Variants in SPHKAP observed in about 807,000 individuals in gnomAD.
The protein encoded by SPHKAP is SPHK1 interactor, AKAP domain containing.
In SPHKAP, 67 loss-of-function variants were observed where a neutral mutation model predicts 137.5. The ratio of observed to expected loss-of-function variants is 0.49; its 90% CI spans 0.40 to 0.60. The LOEUF is 0.60. Among genes scored for constraint, SPHKAP ranks in the 20% least tolerant of loss-of-function variants. The pLI is 0.00. For synonymous variants in SPHKAP, 813 were observed against 785.3 expected (o/e 1.04, Z -0.59); for missense variants, 2,097 against 2,069.3 (o/e 1.01, Z -0.26).
chr2:228,046,569 A>C (rs1258153192), intron 3 of SPHKAP, among the ~76,000 whole-genome samples: 1 of 152,142 alleles, frequency 6.6e-6, no homozygotes, highest in Non-Finnish European at 1.5e-5. Flanking sequence ...TAATGCTACC[A>C]AAAATCATTG....
intron 3 of SPHKAP, among the ~76,000 whole-genome samples, chr2:228,062,684 T>C (rs1696693661): frequency 6.6e-6 from 1 of 152,118 alleles, no homozygotes; most frequent in Admixed American, 6.5e-5. Context: ...AAGTAAGTCC[T>C]GGATCCACAT....
intron 3 of SPHKAP, among the ~76,000 whole-genome samples, chr2:228,062,061 A>G (rs1366252455): frequency 6.6e-6 from 1 of 152,218 alleles, no homozygotes; most frequent in African/African-American, 2.4e-5. Flanking sequence ...ATGATTTCAT[A>G]CAAAGAAACC....
intron 4 of SPHKAP, among the ~76,000 whole-genome samples, 186 bp from the exon 5 acceptor site, chr2:228,025,714 T>C (rs948610981): frequency 1.3e-5 from 2 of 152,096 alleles, no homozygotes; most frequent in African/African-American, 4.8e-5. Context: ...AAAGAGAAAA[T>C]ATAAGCTTCA....
intron 3 of SPHKAP, among the ~76,000 whole-genome samples, chr2:228,033,325 C>T (rs6740680): frequency 0.38 from 58,040 of 151,994 alleles, 11,528 homozygotes; most frequent in South Asian, 0.51. Flanking sequence ...ACAAGAATAG[C>T]TAACTATCCT....
At chr2:228,032,864 G>A (rs1256734252) in intron 3 of SPHKAP, among the ~76,000 whole-genome samples, 1 of 152,086 alleles carries the variant, frequency 6.6e-6, no homozygotes, top group South Asian at 2.1e-4. Flanking sequence ...CCCTACAAGA[G>A]CTCCTGAAGG....
At chr2:228,154,532 ATTTTTTTTTTTTTTTTTTTTTTT>A (rs1168623467) in intron 1 of SPHKAP, among the ~76,000 whole-genome samples, 1 of 29,406 alleles carries the variant, frequency 3.4e-5, no homozygotes, top group African/African-American at 1.4e-4. Flanking sequence ...ATATATATAT[ATTTTTTTTTTTTTTTTTTTTTTT>A]TTTTTTTTTT....
intron 11 of SPHKAP, among the ~76,000 whole-genome samples, chr2:227,984,163 C>T (rs569056188): frequency 1.3e-5 from 2 of 151,812 alleles, no homozygotes; most frequent in East Asian, 1.9e-4. Flanking sequence ...AACCGGGCGT[C>T]GTGGCATGCA....
At chr2:228,113,862 G>A (rs899252680) in intron 2 of SPHKAP, among the ~76,000 whole-genome samples, 1 of 152,074 alleles carries the variant, frequency 6.6e-6, no homozygotes, top group Non-Finnish European at 1.5e-5. Context: ...AGTATGCATT[G>A]AGAGCCAAAT....
intron 1 of SPHKAP, among the ~76,000 whole-genome samples, chr2:228,153,609 G>A (rs889872975): frequency 6.6e-6 from 1 of 152,086 alleles, no homozygotes; most frequent in African/African-American, 2.4e-5. Context: ...AAAAGGTCAT[G>A]TATCTTTTAT....
intron 7 of SPHKAP, among the ~76,000 whole-genome samples, chr2:228,001,724 C>T (rs1052249802): frequency 9.2e-5 from 14 of 151,810 alleles, no homozygotes; most frequent in Non-Finnish European, 7.4e-5. Flanking sequence ...CCCCGCTCCC[C>T]GCAGCCCACA....
intron 5 of SPHKAP, among the ~76,000 whole-genome samples, chr2:228,023,247 A>T (rs1264585706): frequency 6.6e-6 from 1 of 152,198 alleles, no homozygotes; most frequent in Admixed American, 6.5e-5. Context: ...GGGCTCAAAA[A>T]TAAAATTCCC....
At position 228,019,675 on chromosome 2, in the gene SPHKAP, T is replaced by G. The variant is rs1444251496; in HGVS notation, c.1179A>C (p.Thr393=). The change falls in exon 7 of 12, where the codon ACA becomes ACC. Residue 393 remains threonine, a synonymous_variant. Coordinates refer to ENST00000392056, the MANE Select transcript of SPHKAP (RefSeq NM_001142644.2). The part of the protein sequence containing the change: ...DGEVTTGKYA[T]NLAESVLQDA... ...CCTGCAGCACGGATTCTGCTAAATT[T>G]GTAGCATACTTGCCAGTGGTGACTT... is the stretch of plus-strand genomic sequence containing the variant. 1.2e-6 allele frequency: 2 copies of G among 1,614,202 alleles called. No homozygotes were observed. The highest frequency in any genetic ancestry group is 1.1e-5 in the South Asian group (1 of 91,080).
chr2:228,175,384 T>C (rs1429952958), intron 1 of SPHKAP, among the ~76,000 whole-genome samples: 1 of 152,166 alleles, frequency 6.6e-6, no homozygotes, highest in Non-Finnish European at 1.5e-5. Context: ...AAATAAAATA[T>C]GTGATGATAT....
chr2:228,178,603 T>C (rs758330270), intron 1 of SPHKAP, among the ~76,000 whole-genome samples: 8 of 152,084 alleles, frequency 5.3e-5, no homozygotes, highest in Non-Finnish European at 8.8e-5. Flanking sequence ...TTCCATAAAA[T>C]AGATGACTAA....
chr2:228,083,763 T>C (rs775011834), intron 3 of SPHKAP, among the ~76,000 whole-genome samples: 3 of 152,084 alleles, frequency 2.0e-5, no homozygotes, highest in Admixed American at 6.6e-5. Flanking sequence ...ATGAAATAAA[T>C]GAGATCATGT....
At chr2:228,012,061 G>A (rs977314344) in intron 7 of SPHKAP, among the ~76,000 whole-genome samples, 5 of 150,372 alleles carry the variant, frequency 3.3e-5, no homozygotes, top group Non-Finnish European at 5.9e-5. Context: ...TCAGCTGCTT[G>A]AAAGGCTGAG....
chr2:228,129,367 C>A (rs562849268), intron 2 of SPHKAP, among the ~76,000 whole-genome samples: 3 of 152,056 alleles, frequency 2.0e-5, no homozygotes, highest in African/African-American at 7.2e-5. Context: ...CAAGGCATGC[C>A]TGTTGTTGTC....
chr2:228,154,510 C>CTATATATATATATA (rs1255951798), intron 1 of SPHKAP, among the ~76,000 whole-genome samples: 73 of 37,492 alleles, frequency 1.9e-3, no homozygotes, highest in East Asian at 3.9e-3. Flanking sequence ...CTCTCTCTCT[C>CTATATATATATATA]TCTATATATA....
intron 2 of SPHKAP, among the ~76,000 whole-genome samples, chr2:228,110,466 T>C (rs1023772681): frequency 6.6e-6 from 1 of 152,188 alleles, no homozygotes; most frequent in Non-Finnish European, 1.5e-5. Context: ...AATGATAAAC[T>C]TGGATTATTA....
Sources: gnomAD v4.1 joint callset for allele counts (sites outside exome capture counted in the v4.1 genomes callset) on GRCh38, gnomAD v4.1.1 for gene constraint, MANE v1.5 for transcripts, NCBI Gene and HGNC (gene_info 2026-07-23, HGNC 2026-07-21) for gene names.